The following CCDC57 variants were observed in gnomAD, a reference collection of about 807,000 sequenced individuals.
CCDC57 encodes the protein coiled-coil domain containing 57.
CCDC57 carries 118 observed loss-of-function variants against 118.9 expected under a neutral mutation model. The observed-to-expected ratio is 0.99, with a 90% CI of 0.86 to 1.16. CCDC57 has a LOEUF of 1.16. Among genes scored for constraint, CCDC57 ranks in the 50% most tolerant of loss-of-function variants. The pLI is 0.00. For synonymous variants in CCDC57, 527 were observed against 532.9 expected, an observed-to-expected ratio of 0.99 and a Z score of 0.15; for missense variants, 1,300 against 1,320.7, an observed-to-expected ratio of 0.98 and a Z score of 0.24.
chr17:82,123,207 G>C (rs925183744), intron 19 of CCDC57, among the ~76,000 whole-genome samples: 5 of 146,312 alleles, frequency 3.4e-5, no homozygotes, highest in African/African-American at 1.3e-4. Flanking sequence ...AGCTCACTGC[G>C]GCCTAGAACT....
At chr17:82,128,687 T>C in intron 17 of CCDC57, 90 bp from the exon 17 acceptor site, 1 of 1,033,802 alleles carries the variant, frequency 9.7e-7, no homozygotes, top group East Asian at 2.6e-5. Flanking sequence ...TGGGAAGAAA[T>C]GCCTTCCCAC....
In CCDC57 at chr17:82,102,986, C is replaced by T. The variant is rs556782933; in HGVS notation, c.2900-1120G>A. Reference sequence around the variant, plus strand: ...GGGTGAGGTCTAGAGGACTCCAGCACGTGGCTGAATGTGGCCCAGTGGGCA... The same window carrying T: ...GGGTGAGGTCTAGAGGACTCCAGCATGTGGCTGAATGTGGCCCAGTGGGCA... On this transcript the variant is annotated intron_variant, in intron 19 of 19. Coordinates refer to ENST00000665763, the Ensembl canonical transcript of CCDC57. Among the ~76,000 whole-genome samples the T allele has an allele frequency of 2.8e-4, 42 of 152,328 alleles. No homozygotes were observed. The East Asian group carries it at 6.0e-3, about 22-fold the overall frequency.
At chr17:82,179,849 T>G (rs2045984435) in intron 9 of CCDC57, among the ~76,000 whole-genome samples, 1 of 152,162 alleles carries the variant, frequency 6.6e-6, no homozygotes, top group Middle Eastern at 3.2e-3. Flanking sequence ...CGTTATAGTA[T>G]GAAGGACGAA....
chr17:82,193,725 G>A (rs1282946741), intron 7 of CCDC57, 31 bp downstream of exon 6: 1 of 1,562,020 alleles, frequency 6.4e-7, no homozygotes. Flanking sequence ...CCACTGACAT[G>A]CTGCATGATG....
At chr17:82,148,381 G>A (rs1446054747) in intron 16 of CCDC57, among the ~76,000 whole-genome samples, 28 of 1,032 alleles carry the variant, frequency 0.027, no homozygotes, top group Non-Finnish European at 0.037. Flanking sequence ...GGGTGGGTGG[G>A]TGAATGGATG....
intron 19 of CCDC57, among the ~76,000 whole-genome samples, chr17:82,124,762 C>G (rs2037187338): frequency 6.6e-6 from 1 of 151,788 alleles, no homozygotes; most frequent in Non-Finnish European, 1.5e-5. Flanking sequence ...CCGCACTGCA[C>G]TCCAGCCTCG....
At chr17:82,180,991 C>G (rs1319757200) in intron 9 of CCDC57, among the ~76,000 whole-genome samples, 3 of 152,206 alleles carry the variant, frequency 2.0e-5, no homozygotes, top group Non-Finnish European at 4.4e-5. Context: ...ACTCGCCGCC[C>G]GGCTTCTCTC....
intron 7 of CCDC57, among the ~76,000 whole-genome samples, chr17:82,191,097 C>T (rs532337435): frequency 4.8e-5 from 7 of 147,300 alleles, no homozygotes; most frequent in South Asian, 2.2e-4. Flanking sequence ...AGTTGTAATA[C>T]GGCAAAAAAA....
At position 82,124,410 on chromosome 17, in the gene CCDC57, C is replaced by T. The variant is rs143172926; in HGVS notation, c.2899+3282G>A. ...GACTTGTATTTAAAGCTAAAATCAACGACACGACTCTGCTGGGCTGGAAGA... is the reference window on the plus strand; with the variant it reads ...GACTTGTATTTAAAGCTAAAATCAATGACACGACTCTGCTGGGCTGGAAGA... On this transcript the variant is annotated intron_variant, in intron 19 of 19. Coordinates refer to ENST00000665763, the Ensembl canonical transcript of CCDC57. Among the ~76,000 whole-genome samples the T allele has an allele frequency of 8.0e-3, 1,222 of 152,284 alleles. 9 individuals carry two copies. The highest frequency in any genetic ancestry group is 0.01 in the Non-Finnish European group (696 of 68,024).
chr17:82,109,473 G>A (rs117876186), intron 19 of CCDC57, among the ~76,000 whole-genome samples: 3,730 of 152,326 alleles, frequency 0.024, 104 homozygotes, highest in Non-Finnish European at 0.032. Context: ...AAATAATATG[G>A]AGATTAAGTT....
intron 11 of CCDC57, among the ~76,000 whole-genome samples, chr17:82,177,064 G>A (rs2045610877): frequency 6.6e-6 from 1 of 151,934 alleles, no homozygotes; most frequent in African/African-American, 2.4e-5. Flanking sequence ...TGACCAACAT[G>A]GAGAAACCCC....
chr17:82,183,488 G>A (rs1219714687), intron 9 of CCDC57, among the ~76,000 whole-genome samples: 1 of 152,042 alleles, frequency 6.6e-6, no homozygotes, highest in Admixed American at 6.6e-5. Flanking sequence ...CTTGGCAAGA[G>A]GAGATTCTTA....
chr17:82,142,057 T>C (rs1191514856), intron 16 of CCDC57, among the ~76,000 whole-genome samples: 2 of 152,212 alleles, frequency 1.3e-5, no homozygotes, highest in African/African-American at 4.8e-5. Context: ...TTTTTTGACC[T>C]TTCCTTGGAA....
At chr17:82,133,966 G>A (rs1374222594) in intron 17 of CCDC57, 107 bp downstream of exon 16, 4 of 1,096,190 alleles carry the variant, frequency 3.6e-6, no homozygotes, top group African/African-American at 3.3e-5. Context: ...CCTGAAAATT[G>A]GAGGCTTTTT....
chr17:82,151,986 A>C (rs1024887510), intron 15 of CCDC57: 44 of 564,908 alleles, frequency 7.8e-5, no homozygotes, highest in African/African-American at 6.6e-4. Context: ...ATAAAGGCCC[A>C]CAGATCTCCC....
At chr17:82,170,583 G>T (rs1051308104) in intron 13 of CCDC57, among the ~76,000 whole-genome samples, 1 of 151,744 alleles carries the variant, frequency 6.6e-6, no homozygotes, top group Non-Finnish European at 1.5e-5. Context: ...GAGCACGCAG[G>T]GGGAGAGTCC....
intron 9 of CCDC57, among the ~76,000 whole-genome samples, chr17:82,182,968 G>A (rs898244286): frequency 1.3e-5 from 2 of 152,220 alleles, no homozygotes; most frequent in South Asian, 2.1e-4. Context: ...TGACAGGCGT[G>A]AGCCATCACA....
At chr17:82,169,826 A>G (rs551069443) in intron 13 of CCDC57, among the ~76,000 whole-genome samples, 87 of 152,354 alleles carry the variant, frequency 5.7e-4, no homozygotes, top group South Asian at 1.9e-3. Context: ...ACTAACCACA[A>G]TGGAATAGAT....
intron 16 of CCDC57, among the ~76,000 whole-genome samples, chr17:82,141,985 C>T (rs9908300): frequency 6.6e-6 from 1 of 152,136 alleles, no homozygotes; most frequent in African/African-American, 2.4e-5. Flanking sequence ...CCTCTCCCCT[C>T]TACCAGAACC....
Sources: allele counts gnomAD v4.1 joint callset (sites outside exome capture counted in the v4.1 genomes callset), GRCh38; gene constraint gnomAD v4.1.1; transcripts MANE v1.5; gene names NCBI Gene and HGNC (gene_info 2026-07-23, HGNC 2026-07-21).